The following ABRAXAS1 variants were observed in gnomAD, a reference collection of about 807,000 sequenced individuals.
ABRAXAS1 encodes abraxas 1, BRCA1 A complex subunit, also known as BRCA1-A complex subunit Abraxas 1.
In ABRAXAS1, 26 loss-of-function variants were observed where a neutral mutation model predicts 38.4. The ratio of observed to expected loss-of-function variants is 0.68; its 90% CI spans 0.50 to 0.94. ABRAXAS1 has a LOEUF of 0.94. ABRAXAS1 is among the 40% of genes least tolerant of loss of function. The pLI is 0.00. For missense variants in ABRAXAS1, 438 were observed against 481.9 expected (o/e 0.91, Z 0.85); for synonymous variants, 144 against 165.5 (o/e 0.87, Z 1.00).
At chr4:83,471,136 T>G (rs556447815) in intron 4 of ABRAXAS1, among the ~76,000 whole-genome samples, 108 of 151,196 alleles carry the variant, frequency 7.1e-4, no homozygotes, top group African/African-American at 2.5e-3. Flanking sequence ...CAAATAATAA[T>G]TGGGGGGAAA....
At chr4:83,482,317 G>C in intron 1 of ABRAXAS1, 73 bp from the exon 2 acceptor site, 1 of 937,794 alleles carries the variant, frequency 1.1e-6, no homozygotes, top group Non-Finnish European at 1.6e-6. Flanking sequence ...CGTATTTCCT[G>C]AGTATTTTAC....
rs753767582 is a variant in ABRAXAS1, at chr4:83,470,198, T to G, written c.476+5A>C. ...TAATACAGCCAGTGACTGGCCAACA[T>G]TTACCCTTTTTGAGGTTTATATAAG... On this transcript the variant is annotated splice_donor_5th_base_variant and intron_variant, in intron 5 of 8. Coordinates refer to ENST00000321945, the MANE Select transcript of ABRAXAS1 (RefSeq NM_139076.3). The G allele has an allele frequency of 9.3e-6, 15 of 1,605,192 alleles. No individual in the cohort carries two copies. The Admixed American group carries it at 2.6e-4, about 27-fold the overall frequency.
chr4:83,464,278 A>C (rs1416597736), intron 7 of ABRAXAS1, among the ~76,000 whole-genome samples: 1 of 152,250 alleles, frequency 6.6e-6, no homozygotes, highest in Non-Finnish European at 1.5e-5. Context: ...ACAGTAAGTG[A>C]AACAAAGTGA....
intron 1 of ABRAXAS1, among the ~76,000 whole-genome samples, chr4:83,483,277 C>CTTT (rs745707908): frequency 9.5e-5 from 13 of 136,462 alleles, no homozygotes; most frequent in African/African-American, 3.3e-4. Flanking sequence ...GATTTTATAT[C>CTTT]TTTTTTTTTT....
intron 8 of ABRAXAS1, 102 bp from the exon 9 acceptor site, chr4:83,463,004 T>C (rs912213657): frequency 2.7e-6 from 2 of 753,912 alleles, no homozygotes; most frequent in African/African-American, 1.8e-5. Flanking sequence ...ATTTTAACAG[T>C]TGTATTATCT....
Position 83,485,021 on chromosome 4 carries a change from G to C in ABRAXAS1, c.52C>G (p.Leu18Val), listed in dbSNP as rs774575032. 8 of 1,595,516 alleles carry C rather than the reference G, an allele frequency of 5.0e-6. No homozygotes were observed. Among genetic ancestry groups the C allele is most frequent in the Non-Finnish European group, 8.5e-7 (1 of 1,171,732 alleles). The change falls in exon 1 of 9, where the codon CTC becomes GTC. Residue 18 changes from leucine to valine, a missense_variant. Around this residue, in one of 3 missense-constraint regions of ABRAXAS1, gnomAD observed 60 missense variants for 31.1 expected, o/e 1.93. Coordinates refer to ENST00000321945, the MANE Select transcript of ABRAXAS1 (RefSeq NM_139076.3). ...TCCGTGTTGAGGTGCTGGAAAGCGA[G>C]TGCGCCGAGCACAAAGCCCGAGAGC... Reference protein sequence around the residue: ...AVLSGFVLGALAFQHLNTDSD... With the variant: ...AVLSGFVLGAVAFQHLNTDSD...
Position 83,461,238 on chromosome 4 carries a change from G to A in ABRAXAS1, c.*1231C>T. On this transcript the variant is annotated 3_prime_UTR_variant, in exon 9 of 9. Transcript: ENST00000321945. Reference sequence around the variant, plus strand: ...CACTAATAAACTTATTTTACAGTAAGTGGTTGTATGATGCCAATACTGACT... The same window carrying A: ...CACTAATAAACTTATTTTACAGTAAATGGTTGTATGATGCCAATACTGACT... The A allele has an allele frequency of 1.3e-6, 2 of 1,571,012 alleles. No homozygotes were observed. The highest frequency in any genetic ancestry group is 4.5e-5 in the East Asian group (2 of 44,588).
chr4:83,474,712 C>CAA (rs34119977), intron 3 of ABRAXAS1, among the ~76,000 whole-genome samples: 9,205 of 100,426 alleles, frequency 0.092, 411 homozygotes, highest in Middle Eastern at 0.16. Context: ...GACTCTGTCT[C>CAA]AAAAAAAAAA....
At chr4:83,466,330 C>T (rs1454661300) in intron 7 of ABRAXAS1, among the ~76,000 whole-genome samples, 2 of 152,134 alleles carry the variant, frequency 1.3e-5, no homozygotes, top group Non-Finnish European at 2.9e-5. Context: ...ACATCTAGTT[C>T]TAAAAGGACC....
At chr4:83,464,645 T>TA (rs1722279455) in intron 7 of ABRAXAS1, among the ~76,000 whole-genome samples, 1 of 152,180 alleles carries the variant, frequency 6.6e-6, no homozygotes, top group South Asian at 2.1e-4. Context: ...GTTTGCCAGT[T>TA]ACCCCTGTAC....
Position 83,461,973 on chromosome 4 carries a change from G to T in ABRAXAS1, c.*496C>A. ...CTAGCCATAATGTACTTCTAAAAAA[G>T]TATCACTTAAGGAGAATTTTAATGA... On this transcript the variant is annotated 3_prime_UTR_variant, in exon 9 of 9. Transcript: ENST00000321945. 1 of 228,858 alleles carries T rather than the reference G, an allele frequency of 4.4e-6. No individual in the cohort carries two copies. The highest frequency in any genetic ancestry group is 8.7e-6 in the Non-Finnish European group (1 of 115,396). The allele number at this position is 228,858 out of a possible 1,614,324, so 14.2% of individuals were successfully genotyped here. A position where few individuals can be genotyped will look rare whatever the true frequency, so the allele number is the denominator to read the frequency against.
intron 7 of ABRAXAS1, among the ~76,000 whole-genome samples, chr4:83,466,447 T>C (rs1471607577): frequency 6.6e-6 from 1 of 152,240 alleles, no homozygotes; most frequent in Admixed American, 6.5e-5. Flanking sequence ...CCCTGCCTAT[T>C]ACCATGTGAT....
chr4:83,473,692 T>C (rs1722664190), intron 3 of ABRAXAS1, among the ~76,000 whole-genome samples: 1 of 151,966 alleles, frequency 6.6e-6, no homozygotes, highest in South Asian at 2.1e-4. Flanking sequence ...TGTTTTGTAT[T>C]TTTTGTAAAG....
chr4:83,467,416 A>G (rs570019219), intron 7 of ABRAXAS1, 38 bp downstream of exon 7: 28 of 1,107,814 alleles, frequency 2.5e-5, no homozygotes, highest in African/African-American at 6.1e-5. Context: ...TATGAACTCT[A>G]TCTAGAAGTG....
chr4:83,481,775 A>T (rs1723007042), intron 2 of ABRAXAS1, among the ~76,000 whole-genome samples: 1 of 152,130 alleles, frequency 6.6e-6, no homozygotes, highest in South Asian at 2.1e-4. Context: ...TTTGAGACAG[A>T]GTCTCGCTTT....
rs1722533842 is a variant in ABRAXAS1, at chr4:83,470,356, T to A, written c.323A>T (p.Gln108Leu). The part of the protein sequence containing the change: ...GWYKFRRHSD[Q>L]IMTFRERLLH... ...CAGCCTCTCTCTAAACGTCATGATC[T>A]GATCTGAATGACGACGGAATTTGTA... The change falls in exon 5 of 9, where the codon CAG (glutamine) becomes CTG (leucine). Residue 108 changes from glutamine (Q) to leucine (L), a missense_variant. By Grantham distance (113) the Gln-to-Leu change is moderately radical. This residue lies in a region of ABRAXAS1 where 194 missense variants were observed against 269.0 expected (regional missense o/e 0.72). Coordinates refer to ENST00000321945, the MANE Select transcript of ABRAXAS1 (RefSeq NM_139076.3). The A allele has an allele frequency of 8.7e-6, 14 of 1,613,554 alleles. No individual in the cohort carries two copies. Among genetic ancestry groups the A allele is most frequent in the Admixed American group, 1.7e-5 (1 of 59,952 alleles).
chr4:83,459,599 TA>T lies in ABRAXAS1; in HGVS notation c.*2869del. 1 of 675,534 alleles carries T rather than the reference TA, an allele frequency of 1.5e-6. No homozygotes were observed. The highest frequency in any genetic ancestry group is 2.5e-6 in the Non-Finnish European group (1 of 399,202). 41.8% of individuals were successfully genotyped at this position (675,534 alleles called of 1,614,324 possible). On this transcript the variant is annotated 3_prime_UTR_variant, in exon 9 of 9. Transcript: ENST00000321945. ...TTAAAAGGTAACAGGAGGATAACAA[TA>T]TTTTTTTCTTATATTTTATGAAATG...
rs541138943 is a variant in ABRAXAS1 at position 83,467,007 on chromosome 4, C to CAATCTTTG, written c.681+439_681+446dup. 701 of 155,578 alleles carry CAATCTTTG rather than the reference C, an allele frequency of 4.5e-3. 1 individual carries two copies. The highest frequency in any genetic ancestry group is 6.8e-3 in the Non-Finnish European group (481 of 70,420). 9.6% of individuals were successfully genotyped at this position (155,578 alleles called of 1,614,324 possible). A position where few individuals can be genotyped will look rare whatever the true frequency, so the allele number is the denominator to read the frequency against. The stretch of plus-strand genomic sequence containing the variant: ...TAGTTGTTGTAAGCCACTGAGATTG[C>CAATCTTTG]AATCTTTGTTAACTACAGCTGAAGA... On this transcript the variant is annotated intron_variant, in intron 7 of 8. Transcript: ENST00000321945.
chr4:83,463,415 AGAGC>A, intron 8 of ABRAXAS1, 75 bp downstream of exon 8: 2 of 1,017,522 alleles, frequency 2.0e-6, no homozygotes, highest in Non-Finnish European at 1.4e-6. Context: ...CCTAGGCGAC[AGAGC>A]GAGACTCCGT....
Sources: gnomAD v4.1 joint callset for allele counts (sites outside exome capture counted in the v4.1 genomes callset) on GRCh38, gnomAD v4.1.1 for gene constraint, gnomAD v4.1.1 regional missense constraint, MANE v1.5 for transcripts, NCBI Gene and HGNC (gene_info 2026-07-23, HGNC 2026-07-21) for gene names.